The following VLDLR variants were observed in gnomAD, a reference collection of about 807,000 sequenced individuals.
The protein encoded by VLDLR is very low density lipoprotein receptor, also known as very low-density lipoprotein receptor.
Under a neutral mutation model 112.7 loss-of-function variants are expected in VLDLR, and 81 were observed. The observed-to-expected ratio is 0.72, with a 90% CI of 0.60 to 0.86. The LOEUF is 0.86. VLDLR is among the 40% of genes least tolerant of loss of function. The pLI, the probability that VLDLR is intolerant of heterozygous loss-of-function variation, is 0.00. For synonymous variants in VLDLR, 436 were observed against 384.8 expected, an observed-to-expected ratio of 1.13 and a Z score of -1.56; for missense variants, 1,237 against 1,099.4, an observed-to-expected ratio of 1.13 and a Z score of -1.77.
At chr9:2,644,343 GTA>G (rs1817969089) in intron 7 of VLDLR, among the ~76,000 whole-genome samples, 1 of 60,434 alleles carries the variant, frequency 1.7e-5, no homozygotes, top group African/African-American at 7.0e-5. Flanking sequence ...TTTTTTTTTT[GTA>G]TTTTTAGTAG....
At chr9:2,633,031 G>GGA (rs71329438) in intron 1 of VLDLR, among the ~76,000 whole-genome samples, 13 of 138,602 alleles carry the variant, frequency 9.4e-5, no homozygotes, top group Middle Eastern at 3.5e-3. Context: ...ACTCCTTATT[G>GGA]GAGAGAGAGA....
In VLDLR at chr9:2,643,428, T is replaced by C. The variant is rs746388586; in HGVS notation, c.717T>C (p.Cys239=). The C allele has an allele frequency of 1.1e-5, 17 of 1,614,068 alleles. No individual in the cohort carries two copies. The highest frequency in any genetic ancestry group is 2.7e-5 in the African/African-American group (2 of 74,922). The change falls in exon 5 of 19, where the codon TGT becomes TGC. Residue 239 remains cysteine (C), a synonymous_variant. Coordinates refer to ENST00000382100, the MANE Select transcript of VLDLR (RefSeq NM_003383.5). ...CGRQPVIHTK[C]PASEIQCGSG... ...GTCAGCCAGTCATACACACCAAGTG[T>C]CCAGCCAGCGAAATCCAGTGCGGCT...
intron 1 of VLDLR, among the ~76,000 whole-genome samples, chr9:2,634,711 T>C (rs1173555869): frequency 6.6e-6 from 1 of 152,226 alleles, no homozygotes; most frequent in Admixed American, 6.5e-5. Context: ...GATCTTCCTT[T>C]CCCTCTTAAC....
chr9:2,635,565 G>T lies in VLDLR; in HGVS notation c.195G>T (p.Lys65Asn), dbSNP rs1236727461. 7 of 1,614,094 alleles carry T rather than the reference G, an allele frequency of 4.3e-6. No individual in the cohort carries two copies. In the East Asian group the frequency reaches 1.3e-4, roughly 31 times the overall value. ...DEDCVDGSDEKNCVKKTCAES... is the reference protein window; with the variant it reads ...DEDCVDGSDENNCVKKTCAES... Reference sequence around the variant, plus strand: ...ACTGTGTTGACGGCAGTGATGAAAAGAACTGTGGTAAGTAAAGAGTTTGAT... The same window carrying T: ...ACTGTGTTGACGGCAGTGATGAAAATAACTGTGGTAAGTAAAGAGTTTGAT... Residue 65 changes from lysine to asparagine, a missense_variant, in exon 2 of 19, where the codon AAG becomes AAT. Lys to Asn is a moderately conservative substitution (Grantham distance 94). Coordinates refer to ENST00000382100, the MANE Select transcript of VLDLR (RefSeq NM_003383.5).
chr9:2,648,953 C>T (rs1357990789), intron 14 of VLDLR, 143 bp downstream of exon 14: 1 of 1,043,000 alleles, frequency 9.6e-7, no homozygotes, highest in African/African-American at 1.6e-5. Context: ...TTAAACATTT[C>T]ACATGTTATT....
intron 2 of VLDLR, among the ~76,000 whole-genome samples, chr9:2,637,991 G>A (rs1817671856): frequency 1.3e-5 from 2 of 152,024 alleles, no homozygotes; most frequent in South Asian, 4.2e-4. Flanking sequence ...AATCAATCAT[G>A]GGGTCTCTTT....
rs377669923 is a variant in VLDLR, at chr9:2,646,444, C to T, written c.1595C>T (p.Ala532Val). The T allele has an allele frequency of 2.4e-5, 38 of 1,614,044 alleles. No individual in the cohort carries two copies. The highest frequency in any genetic ancestry group is 2.7e-5 in the Non-Finnish European group (32 of 1,179,960). The change falls in exon 11 of 19, where the codon GCG (alanine) becomes GTG (valine). Residue 532 changes from alanine to valine, a missense_variant. Transcript: ENST00000382100. The part of the protein sequence containing the change: ...WVYKTIYWTD[A>V]ASKTISVATL... ...TACAAGACCATCTACTGGACTGATG[C>T]GGCTTCTAAGACTATTTCAGTAGCT...
At position 2,648,357 on chromosome 9, in the gene VLDLR, G is replaced by A. The variant is rs200297150; in HGVS notation, c.1962+10G>A. 30 of 1,614,088 alleles carry A rather than the reference G, an allele frequency of 1.9e-5. No individual in the cohort carries two copies. In the East Asian group the frequency reaches 6.5e-4, roughly 35 times the overall value. ...ACTAACAATATTTGAGGTAAGATGT[G>A]TCTCACATCAAAGTGTGTACCTTTG... On this transcript the variant is annotated intron_variant, in intron 13 of 18. Coordinates refer to ENST00000382100, the MANE Select transcript of VLDLR (RefSeq NM_003383.5).
At position 2,622,261 on chromosome 9, in the gene VLDLR, C is replaced by T. The variant is rs1563740810; in HGVS notation, c.72C>T (p.Ala24=). 6.7e-7 allele frequency: 1 copy of T among 1,491,570 alleles called. No individual in the cohort carries two copies. The highest frequency in any genetic ancestry group is 8.9e-7 in the Non-Finnish European group (1 of 1,127,236). The allele number at this position is 1,491,570 out of a possible 1,614,324, so 92.4% of individuals were successfully genotyped here. Residue 24 remains alanine (A), a synonymous_variant, in exon 1 of 19, where the codon GCC becomes GCT. Transcript: ENST00000382100. The part of the protein sequence containing the change: ...ALCWAPRESG[A]TGTGRKAKCE... ...GCTGGGCGCCCCGGGAGAGCGGCGC[C>T]ACCGGAACCGGTGAGTGAGGACGCG...
rs1408815949 is a variant in VLDLR, at chr9:2,651,417, A to G, written c.2254A>G (p.Thr752Ala). ...VEENGRDCQS[T>A]ATTVTYSETK... is the part of the protein sequence containing the mutation. ...GGTTCTTGGTTTTTATAATTCAGGT[A>G]CTGCAACTACTGTGACTTACAGTGA... The change falls in exon 16 of 19, where the codon ACT becomes GCT. Residue 752 changes from threonine to alanine, a missense_variant and splice_region_variant. By Grantham distance (58) the Thr-to-Ala change is moderately conservative (BLOSUM62 0). Coordinates refer to ENST00000382100, the MANE Select transcript of VLDLR (RefSeq NM_003383.5). The G allele has an allele frequency of 1.2e-6, 2 of 1,613,836 alleles. No homozygotes were observed. The highest frequency in any genetic ancestry group is 1.1e-5 in the South Asian group (1 of 91,068).
At chr9:2,624,948 CATTTT>C (rs1344597762) in intron 1 of VLDLR, among the ~76,000 whole-genome samples, 1 of 152,180 alleles carries the variant, frequency 6.6e-6, no homozygotes, top group African/African-American at 2.4e-5. Context: ...TGTCCTGTGT[CATTTT>C]GATTGTTTGC....
Position 2,659,207 on chromosome 9 carries a change from C to T in VLDLR, c.*5339C>T, listed in dbSNP as rs1818715595. The T allele has an allele frequency of 6.6e-6, 1 of 152,214 alleles. No homozygotes were observed. The highest frequency in any genetic ancestry group is 1.5e-5 in the Non-Finnish European group (1 of 68,052). 9.4% of individuals were successfully genotyped at this position (152,214 alleles called of 1,614,324 possible). A position where few individuals can be genotyped will look rare whatever the true frequency, so the allele number is the denominator to read the frequency against. On this transcript the variant is annotated 3_prime_UTR_variant, in exon 19 of 19. Coordinates refer to ENST00000382100, the MANE Select transcript of VLDLR (RefSeq NM_003383.5). ...CATAGGTAAAAACTGAGGCTACAAA[C>T]AATCTATGGTTCCAAATCCTATGTG...
intron 18 of VLDLR, 94 bp downstream of exon 18, chr9:2,653,043 G>A (rs1818425187): frequency 2.0e-6 from 3 of 1,524,422 alleles, no homozygotes; most frequent in Non-Finnish European, 2.7e-6. Context: ...TTAGGATGAT[G>A]GAGTTACCAA....
chr9:2,633,025 C>G (rs914325343), intron 1 of VLDLR, among the ~76,000 whole-genome samples: 1 of 138,012 alleles, frequency 7.2e-6, no homozygotes, highest in Non-Finnish European at 1.5e-5. Context: ...GTTGCTACTC[C>G]TTATTGGAGA....
rs1034287655 is a variant in VLDLR, at chr9:2,657,561, TA to T, written c.*3694del. Reference sequence around the variant, plus strand: ...GATGAGGCGGTGCCTAAAAACCACATATATATAATCCCCTGGGTATTACATA... The same window carrying T: ...GATGAGGCGGTGCCTAAAAACCACATTATATAATCCCCTGGGTATTACATA... On this transcript the variant is annotated 3_prime_UTR_variant, in exon 19 of 19. Transcript: ENST00000382100. 11 of 152,160 alleles carry T rather than the reference TA, an allele frequency of 7.2e-5. No individual in the cohort carries two copies. The highest frequency in any genetic ancestry group is 5.2e-4 in the Admixed American group (8 of 15,260). 9.4% of individuals were successfully genotyped at this position (152,160 alleles called of 1,614,324 possible). A position where few individuals can be genotyped will look rare whatever the true frequency, so the allele number is the denominator to read the frequency against.
Position 2,622,255 on chromosome 9 carries a change from C to T in VLDLR, c.66C>T (p.Ser22=). 1 of 1,491,148 alleles carries T rather than the reference C, an allele frequency of 6.7e-7. No individual in the cohort carries two copies. The highest frequency in any genetic ancestry group is 8.9e-7 in the Non-Finnish European group (1 of 1,126,944). The allele number at this position is 1,491,148 out of a possible 1,614,324, so 92.4% of individuals were successfully genotyped here. A position where few individuals can be genotyped will look rare whatever the true frequency, so the allele number is the denominator to read the frequency against. Residue 22 remains serine (S), a synonymous_variant, in exon 1 of 19, where the codon AGC becomes AGT. Coordinates refer to ENST00000382100, the MANE Select transcript of VLDLR (RefSeq NM_003383.5). The part of the protein sequence containing the change: ...LLALCWAPRE[S]GATGTGRKAK... ...CGCTGTGCTGGGCGCCCCGGGAGAGCGGCGCCACCGGAACCGGTGAGTGAG... is the reference window on the plus strand; with the variant it reads ...CGCTGTGCTGGGCGCCCCGGGAGAGTGGCGCCACCGGAACCGGTGAGTGAG...
At chr9:2,651,590 C>T in intron 16 of VLDLR, 92 bp downstream of exon 16, 1 of 1,188,738 alleles carries the variant, frequency 8.4e-7, no homozygotes, top group African/African-American at 1.5e-5. Flanking sequence ...CCTTTAACTA[C>T]TATTTCTGCC....
chr9:2,635,611 A>G (rs765838883), intron 2 of VLDLR, 39 bp downstream of exon 2: 11 of 1,613,342 alleles, frequency 6.8e-6, no homozygotes, highest in Non-Finnish European at 9.3e-6. Context: ...TTTTGTTAAA[A>G]TATGATGTTA....
At chr9:2,640,103 A>C (rs192321560) in intron 3 of VLDLR, 122 bp downstream of exon 3, 6 of 1,512,692 alleles carry the variant, frequency 4.0e-6, no homozygotes, top group Admixed American at 3.4e-5. Context: ...GTTTAGGTCA[A>C]TTGACTCCAA....
Sources: allele counts gnomAD v4.1 joint callset (sites outside exome capture counted in the v4.1 genomes callset), GRCh38; gene constraint gnomAD v4.1.1; transcripts MANE v1.5; gene names NCBI Gene and HGNC (gene_info 2026-07-23, HGNC 2026-07-21).